Variants in TBC1D5 observed in about 807,000 individuals in gnomAD.
The protein encoded by TBC1D5 is TBC1 domain family member 5.
TBC1D5 carries 75 observed loss-of-function variants against 100.3 expected under a neutral mutation model. The ratio of observed to expected loss-of-function variants is 0.75; its 90% CI spans 0.62 to 0.91. TBC1D5 has a LOEUF of 0.91. Ranked by LOEUF, TBC1D5 falls within the 40% of genes least tolerant of loss-of-function variation. The probability of loss-of-function intolerance (pLI) is 0.00; values close to 1 mark genes in which losing one functional copy is unlikely to be tolerated. For synonymous variants in TBC1D5, 323 were observed against 325.6 expected (o/e 0.99, Z 0.09); for missense variants, 910 against 942.4 (o/e 0.97, Z 0.45).
intron 1 of TBC1D5, among the ~76,000 whole-genome samples, chr3:17,729,573 G>A (rs1319348790): frequency 6.6e-6 from 1 of 152,076 alleles, no homozygotes; most frequent in African/African-American, 2.4e-5. Flanking sequence ...TGGGCGTTGT[G>A]GTACGCACCT....
At chr3:17,270,919 G>T (rs2079349901) in intron 15 of TBC1D5, among the ~76,000 whole-genome samples, 1 of 152,014 alleles carries the variant, frequency 6.6e-6, no homozygotes, top group African/African-American at 2.4e-5. Flanking sequence ...AGTATCAGTT[G>T]GCTGCAGGTG....
chr3:17,481,003 G>A (rs2095495407), intron 3 of TBC1D5, among the ~76,000 whole-genome samples: 3 of 152,214 alleles, frequency 2.0e-5, no homozygotes, highest in African/African-American at 7.2e-5. Context: ...CAAAAGGAGA[G>A]AAGAGCTAGG....
chr3:17,596,097 T>C (rs2060545566), intron 2 of TBC1D5, among the ~76,000 whole-genome samples: 1 of 152,090 alleles, frequency 6.6e-6, no homozygotes, highest in Non-Finnish European at 1.5e-5. Context: ...TAGGAACAGC[T>C]TACTTCCATC....
chr3:17,694,083 T>C (rs1046671724), intron 1 of TBC1D5, among the ~76,000 whole-genome samples: 47 of 152,280 alleles, frequency 3.1e-4, no homozygotes, highest in Non-Finnish European at 6.8e-4. Flanking sequence ...CAAAACCTCA[T>C]CTGCAGGTCA....
At chr3:17,489,950 T>C (rs933321323) in intron 3 of TBC1D5, among the ~76,000 whole-genome samples, 17 of 152,196 alleles carry the variant, frequency 1.1e-4, no homozygotes, top group African/African-American at 3.9e-4. Flanking sequence ...TGGTGGAATT[T>C]ACATTCCCAC....
chr3:17,628,401 T>G (rs2063233650), intron 1 of TBC1D5, among the ~76,000 whole-genome samples: 1 of 150,724 alleles, frequency 6.6e-6, no homozygotes, highest in Admixed American at 6.6e-5. Context: ...ACACACCCAA[T>G]TTGCATGGTA....
chr3:17,319,177 C>CA (rs1194811673), intron 13 of TBC1D5, among the ~76,000 whole-genome samples: 1 of 152,154 alleles, frequency 6.6e-6, no homozygotes, highest in African/African-American at 2.4e-5. Context: ...TAAACCAACT[C>CA]AAATATGAAG....
At chr3:17,530,167 C>G (rs376433418) in intron 2 of TBC1D5, among the ~76,000 whole-genome samples, 10 of 151,224 alleles carry the variant, frequency 6.6e-5, no homozygotes, top group African/African-American at 2.4e-4. Flanking sequence ...TCACTTGATC[C>G]CAGAAGCCAG....
intron 13 of TBC1D5, among the ~76,000 whole-genome samples, chr3:17,343,644 A>T (rs867099335): frequency 5.7e-4 from 87 of 151,950 alleles, no homozygotes; most frequent in Admixed American, 4.1e-3. Context: ...ACAATTTCAG[A>T]TCCTGTTACT....
chr3:17,214,943 C>T (rs976043920), intron 17 of TBC1D5, among the ~76,000 whole-genome samples: 1 of 152,016 alleles, frequency 6.6e-6, no homozygotes, highest in Admixed American at 6.6e-5. Flanking sequence ...GGCCCTAATG[C>T]AGGATCTTCG....
chr3:17,555,569 T>C (rs563182168), intron 2 of TBC1D5, among the ~76,000 whole-genome samples: 92 of 152,324 alleles, frequency 6.0e-4, no homozygotes, highest in Admixed American at 9.8e-4. Context: ...AGCTAATCTC[T>C]TCAGGATCAG....
At chr3:17,561,574 T>C (rs766932399) in intron 2 of TBC1D5, among the ~76,000 whole-genome samples, 1 of 152,140 alleles carries the variant, frequency 6.6e-6, no homozygotes. Flanking sequence ...ACATAAAGTA[T>C]TGTTAGTAAC....
intron 8 of TBC1D5, among the ~76,000 whole-genome samples, chr3:17,401,877 CTTTT>C (rs2093660192): frequency 6.6e-6 from 1 of 152,132 alleles, no homozygotes; most frequent in Admixed American, 6.6e-5. Context: ...GCAACTCCTT[CTTTT>C]GTTTTATTCA....
At chr3:17,440,843 T>C (rs1559890721) in intron 3 of TBC1D5, among the ~76,000 whole-genome samples, 1 of 152,076 alleles carries the variant, frequency 6.6e-6, no homozygotes, top group African/African-American at 2.4e-5. Flanking sequence ...GATTTCTCCA[T>C]GTTGGCCAAG....
At chr3:17,182,955 C>A (rs961314036) in intron 19 of TBC1D5, among the ~76,000 whole-genome samples, 24 of 152,046 alleles carry the variant, frequency 1.6e-4, no homozygotes, top group Non-Finnish European at 2.8e-4. Flanking sequence ...TAAACGCAAT[C>A]TTTACCTGCC....
intron 13 of TBC1D5, among the ~76,000 whole-genome samples, chr3:17,330,366 G>C (rs1014292884): frequency 6.6e-6 from 1 of 152,010 alleles, no homozygotes; most frequent in Non-Finnish European, 1.5e-5. Flanking sequence ...AGTGCTCCTA[G>C]TATAAACTCT....
At chr3:17,503,480 A>G (rs914254357) in intron 3 of TBC1D5, among the ~76,000 whole-genome samples, 3 of 149,470 alleles carry the variant, frequency 2.0e-5, no homozygotes, top group Admixed American at 1.3e-4. Context: ...ATCTTTTTCA[A>G]TGTTTTATTT....
intron 19 of TBC1D5, among the ~76,000 whole-genome samples, chr3:17,178,270 T>C (rs770021758): frequency 2.0e-5 from 3 of 152,112 alleles, no homozygotes; most frequent in Admixed American, 1.3e-4. Context: ...TTTCACCATG[T>C]TAGCCAGGAT....
At chr3:17,270,278 C>T (rs945662689) in intron 15 of TBC1D5, among the ~76,000 whole-genome samples, 1 of 152,050 alleles carries the variant, frequency 6.6e-6, no homozygotes, top group African/African-American at 2.4e-5. Flanking sequence ...GCTTGTTGGA[C>T]ACTTGTATGT....
Sources: gnomAD v4.1 joint callset for allele counts (sites outside exome capture counted in the v4.1 genomes callset) on GRCh38, gnomAD v4.1.1 for gene constraint, MANE v1.5 for transcripts, NCBI Gene and HGNC (gene_info 2026-07-23, HGNC 2026-07-21) for gene names.